RAB27B: variants seen among roughly 807,000 people sequenced by gnomAD.
RAB27B encodes RAB27B, member RAS oncogene family, also known as ras-related protein Rab-27B.
Under a neutral mutation model 24.6 loss-of-function variants are expected in RAB27B, and 15 were observed. That is an observed-to-expected ratio of 0.61 (90% CI 0.41 to 0.94). RAB27B has a LOEUF of 0.94. RAB27B is among the 40% of genes least tolerant of loss of function. RAB27B has a pLI of 0.00. For missense variants in RAB27B, 261 were observed against 266.8 expected (o/e 0.98, Z 0.15); for synonymous variants, 105 against 92.5 (o/e 1.14, Z -0.78).
intron 1 of RAB27B, among the ~76,000 whole-genome samples, chr18:54,869,045 C>A (rs999307025): frequency 3.3e-5 from 5 of 152,092 alleles, no homozygotes; most frequent in Non-Finnish European, 7.4e-5. Flanking sequence ...TTTTAACTAA[C>A]CCTGAGATTT....
intron 3 of RAB27B, among the ~76,000 whole-genome samples, chr18:54,883,944 C>A (rs1913026730): frequency 6.6e-6 from 1 of 152,170 alleles, no homozygotes; most frequent in Non-Finnish European, 1.5e-5. Context: ...GCCAAGCTTT[C>A]TTCTGGGCAC....
intron 2 of RAB27B, among the ~76,000 whole-genome samples, chr18:54,820,045 G>A (rs1002830033): frequency 6.6e-5 from 10 of 152,188 alleles, no homozygotes; most frequent in African/African-American, 2.4e-4. Context: ...TTGGTTCCAA[G>A]ACTTTGCTGT....
chr18:54,756,946 C>G (rs1568054338), intron 2 of RAB27B, among the ~76,000 whole-genome samples: 2 of 152,152 alleles, frequency 1.3e-5, no homozygotes, highest in East Asian at 3.9e-4. Flanking sequence ...ACAGATCAAC[C>G]AAAGCTATTC....
chr18:54,804,038 C>T (rs1361856613), intron 2 of RAB27B, among the ~76,000 whole-genome samples: 1 of 152,104 alleles, frequency 6.6e-6, no homozygotes, highest in Non-Finnish European at 1.5e-5. Flanking sequence ...TCTTATGGGG[C>T]TCTTCCTATT....
At chr18:54,813,495 C>T (rs1280445266) in intron 2 of RAB27B, among the ~76,000 whole-genome samples, 5 of 152,160 alleles carry the variant, frequency 3.3e-5, no homozygotes, top group Admixed American at 6.6e-5. Flanking sequence ...AATGAGTTCA[C>T]TCAAGATCTG....
At chr18:54,725,608 G>A (rs1476887996) in intron 2 of RAB27B, among the ~76,000 whole-genome samples, 1 of 151,474 alleles carries the variant, frequency 6.6e-6, no homozygotes, top group Non-Finnish European at 1.5e-5. Context: ...GGAGGCCTCA[G>A]GAAACTTGCA....
chr18:54,832,842 T>C (rs2145186799), intron 1 of RAB27B, among the ~76,000 whole-genome samples: 1 of 152,196 alleles, frequency 6.6e-6, no homozygotes, highest in South Asian at 2.1e-4. Flanking sequence ...TGTGGAATCA[T>C]TGGCAGCTCG....
chr18:54,793,457 C>T (rs1909317612), intron 2 of RAB27B, among the ~76,000 whole-genome samples: 1 of 150,608 alleles, frequency 6.6e-6, no homozygotes. Flanking sequence ...AGAATCCCCA[C>T]ATATACTCAA....
chr18:54,831,185 T>C (rs1389574673), intron 1 of RAB27B, among the ~76,000 whole-genome samples: 3 of 152,192 alleles, frequency 2.0e-5, no homozygotes, highest in Non-Finnish European at 1.5e-5. Context: ...ACTGAAATTC[T>C]AGATCAGATG....
At chr18:54,869,445 G>A (rs115175063) in intron 1 of RAB27B, among the ~76,000 whole-genome samples, 91 of 152,284 alleles carry the variant, frequency 6.0e-4, no homozygotes, top group African/African-American at 2.1e-3. Context: ...TGTTCCTTGA[G>A]CAAATTTGGG....
At chr18:54,879,945 TTTTC>T in intron 3 of RAB27B, 1 of 155,168 alleles carries the variant, frequency 6.4e-6, no homozygotes, top group Non-Finnish European at 1.4e-5. Flanking sequence ...TCCTTCCCAC[TTTTC>T]CTGATCCTCT....
At chr18:54,780,217 C>G (rs1392086593) in intron 2 of RAB27B, among the ~76,000 whole-genome samples, 1 of 142,484 alleles carries the variant, frequency 7.0e-6, no homozygotes, top group Non-Finnish European at 1.5e-5. Context: ...CTCACCGTGT[C>G]TCCCCTCTCC....
At chr18:54,731,764 A>G (rs1490925556) in intron 2 of RAB27B, among the ~76,000 whole-genome samples, 4 of 152,210 alleles carry the variant, frequency 2.6e-5, no homozygotes, top group African/African-American at 9.6e-5. Flanking sequence ...AAAATGTACT[A>G]GGTTCCAACA....
chr18:54,723,129 T>A (rs1909413982), intron 2 of RAB27B, among the ~76,000 whole-genome samples: 1 of 152,208 alleles, frequency 6.6e-6, no homozygotes, highest in Non-Finnish European at 1.5e-5. Flanking sequence ...ATGTTCAGGC[T>A]AAAATGTGTC....
At chr18:54,801,691 A>T (rs1909616900) in intron 2 of RAB27B, among the ~76,000 whole-genome samples, 1 of 152,168 alleles carries the variant, frequency 6.6e-6, no homozygotes, top group African/African-American at 2.4e-5. Context: ...TACTAGTAAC[A>T]CACACTCTAC....
At chr18:54,868,501 T>C (rs1345349501) in intron 1 of RAB27B, among the ~76,000 whole-genome samples, 1 of 152,212 alleles carries the variant, frequency 6.6e-6, no homozygotes, top group Non-Finnish European at 1.5e-5. Context: ...AAGAAAGGCC[T>C]AGTACACCTA....
At chr18:54,773,598 A>G (rs1908621429) in intron 2 of RAB27B, among the ~76,000 whole-genome samples, 1 of 152,204 alleles carries the variant, frequency 6.6e-6, no homozygotes, top group Non-Finnish European at 1.5e-5. Flanking sequence ...ACACACGAAT[A>G]AGAAGGATTC....
At chr18:54,885,114 G>A (rs550702977) in intron 4 of RAB27B, among the ~76,000 whole-genome samples, 108 of 152,184 alleles carry the variant, frequency 7.1e-4, no homozygotes, top group African/African-American at 2.5e-3. Context: ...AGAAGTATTG[G>A]AATTTTCCTT....
At position 54,874,218 on chromosome 18, in the gene RAB27B, C is replaced by T. The variant is rs1912598651; in HGVS notation, c.-19-3349C>T. Among the ~76,000 whole-genome samples the T allele has an allele frequency of 2.0e-5, 3 of 152,182 alleles. No individual in the cohort carries two copies. The South Asian group carries it at 6.2e-4, about 32-fold the overall frequency. On this transcript the variant is annotated intron_variant, in intron 1 of 5. Transcript: ENST00000262094. ...GGTCCTGTATCTCCTCTCCTCATGT[C>T]TAATTCCCCTCCACGCTATAAGGTT...
Sources: gnomAD v4.1 joint callset for allele counts (sites outside exome capture counted in the v4.1 genomes callset) on GRCh38, gnomAD v4.1.1 for gene constraint, MANE v1.5 for transcripts, NCBI Gene and HGNC (gene_info 2026-07-23, HGNC 2026-07-21) for gene names.